The following ABCB4 variants were observed in gnomAD, a reference collection of about 807,000 sequenced individuals.
ABCB4 encodes the protein phosphatidylcholine translocator ABCB4.
In ABCB4, 76 loss-of-function variants were observed where a neutral mutation model predicts 145.7. The ratio of observed to expected loss-of-function variants is 0.52; its 90% CI spans 0.43 to 0.63. ABCB4 has a LOEUF of 0.63. Ranked by LOEUF, ABCB4 falls within the 30% of genes least tolerant of loss-of-function variation. The pLI, the probability that ABCB4 is intolerant of heterozygous loss-of-function variation, is 0.00. For synonymous variants in ABCB4, 517 were observed against 566.8 expected (o/e 0.91, Z 1.25); for missense variants, 1,234 against 1,553.1 (o/e 0.79, Z 3.45).
chr7:87,426,530 C>T (rs1442651768), intron 16 of ABCB4, among the ~76,000 whole-genome samples: 3 of 151,326 alleles, frequency 2.0e-5, no homozygotes, highest in African/African-American at 7.3e-5. Context: ...GTAAAGACTA[C>T]ATTTCTGGAT....
At chr7:87,369,611 T>A in the ABCB4 span, 17 of 344,254 alleles carry the variant, frequency 4.9e-5, no homozygotes, top group African/African-American at 2.6e-4. Context: ...CATGCTTTTT[T>A]AAAAAAAAAT....
At chr7:87,388,781 C>G in the ABCB4 span, among the ~76,000 whole-genome samples, 1 of 152,064 alleles carries the variant, frequency 6.6e-6, no homozygotes, top group African/African-American at 2.4e-5. Context: ...CAAATGGGAT[C>G]TAATTAAACT....
chr7:87,381,954 T>G, the ABCB4 span: 1 of 1,611,274 alleles, frequency 6.2e-7, no homozygotes, highest in East Asian at 2.2e-5. Context: ...TCAGTTATTA[T>G]GTGGATGAGA....
At position 87,431,448 on chromosome 7, in the gene ABCB4, G is replaced by C; in HGVS notation, c.1849C>G (p.Leu617Val). The change falls in exon 15 of 28, where the codon CTG becomes GTG. Residue 617 changes from leucine (L) to valine (V), a missense_variant. Leu to Val is a conservative substitution (Grantham distance 32). This residue lies in a region of ABCB4 where 321 missense variants were observed against 332.6 expected (regional missense o/e 0.97). Coordinates refer to ENST00000649586, the MANE Select transcript of ABCB4 (RefSeq NM_000443.4). The part of the protein sequence containing the change: ...VIVEQGSHSE[L>V]MKKEGVYFKL... ...AAGTACACCCCTTCCTTCTTCATCA[G>C]TTCGCTGTGGCTTCCTTGCTCCACA... The C allele has an allele frequency of 6.2e-7, 1 of 1,614,110 alleles. No individual in the cohort carries two copies. The highest frequency in any genetic ancestry group is 8.5e-7 in the Non-Finnish European group (1 of 1,179,990).
the ABCB4 span, chr7:87,376,084 CT>C: frequency 6.5e-6 from 5 of 774,224 alleles, no homozygotes; most frequent in South Asian, 1.2e-4. Context: ...ATACAATATA[CT>C]TGTGCCAAAT....
chr7:87,392,477 C>T, the ABCB4 span: 2 of 961,578 alleles, frequency 2.1e-6, no homozygotes, highest in Admixed American at 2.0e-5. Flanking sequence ...CCCAAATTAC[C>T]CCAATCCTAA....
At chr7:87,423,285 G>T (rs1378325132) in intron 17 of ABCB4, among the ~76,000 whole-genome samples, 1 of 152,108 alleles carries the variant, frequency 6.6e-6, no homozygotes, top group East Asian at 1.9e-4. Flanking sequence ...TTGAATGATT[G>T]GCTAGTATGT....
intron 4 of ABCB4, among the ~76,000 whole-genome samples, chr7:87,457,836 T>G (rs1053269719): frequency 1.3e-5 from 2 of 152,192 alleles, no homozygotes; most frequent in Non-Finnish European, 2.9e-5. Context: ...CATTTTCACT[T>G]TTGAGTCTCA....
At chr7:87,418,905 G>T (rs138932643) in intron 19 of ABCB4, among the ~76,000 whole-genome samples, 1 of 152,280 alleles carries the variant, frequency 6.6e-6, no homozygotes, top group East Asian at 1.9e-4. Context: ...GAGGCTGGTA[G>T]GCATTCCATT....
chr7:87,387,768 A>C, the ABCB4 span, among the ~76,000 whole-genome samples: 3 of 152,160 alleles, frequency 2.0e-5, no homozygotes, highest in East Asian at 5.8e-4. Context: ...CCTGGCCAAC[A>C]TGGTAAAACC....
At chr7:87,394,819 G>T in the ABCB4 span, among the ~76,000 whole-genome samples, 1 of 152,150 alleles carries the variant, frequency 6.6e-6, no homozygotes, top group South Asian at 2.1e-4. Flanking sequence ...TTTAATGCCA[G>T]CAAAGGATAG....
At position 87,472,654 on chromosome 7, in the gene ABCB4, CG is replaced by C; in HGVS notation, c.101del (p.Thr34ArgfsTer4). 1 of 1,608,768 alleles carries C rather than the reference CG, an allele frequency of 6.2e-7. No individual in the cohort carries two copies. Among genetic ancestry groups the C allele is most frequent in the African/African-American group, 1.3e-5 (1 of 74,904 alleles). ...GISSKQKRKK[T>X]KTVKMIGVLT... ...ATACTCCAATCATTTTCACTGTCTT[CG>C]TTTTTTTCCTTTTTTGTTTGCTGTA... On this transcript the variant is annotated frameshift_variant, in exon 3 of 28. Transcript: ENST00000649586. LOFTEE classifies it high-confidence loss of function.
chr7:87,442,506 T>C (rs1177303582), intron 12 of ABCB4, among the ~76,000 whole-genome samples: 1 of 152,194 alleles, frequency 6.6e-6, no homozygotes, highest in Non-Finnish European at 1.5e-5. Flanking sequence ...ATTCTGAATA[T>C]AGCTCGTGGA....
intron 14 of ABCB4, among the ~76,000 whole-genome samples, chr7:87,439,383 CAA>C (rs1213830536): frequency 6.6e-6 from 1 of 152,044 alleles, no homozygotes; most frequent in Non-Finnish European, 1.5e-5. Context: ...TACTTTTGGT[CAA>C]AAGTAGTCTT....
chr7:87,377,743 T>C, the ABCB4 span, among the ~76,000 whole-genome samples: 9 of 152,280 alleles, frequency 5.9e-5, no homozygotes, highest in East Asian at 1.7e-3. Flanking sequence ...AGAATACCTA[T>C]TTCAAAAGGT....
intron 19 of ABCB4, 148 bp from the exon 20 acceptor site, chr7:87,418,768 C>A (rs1809186591): frequency 4.1e-6 from 3 of 738,388 alleles, no homozygotes; most frequent in Non-Finnish European, 7.1e-6. Context: ...TGAGCACACA[C>A]CCCCAGAATC....
chr7:87,367,070 G>A, the ABCB4 span, among the ~76,000 whole-genome samples: 1 of 152,198 alleles, frequency 6.6e-6, no homozygotes, highest in Non-Finnish European at 1.5e-5. Context: ...GTCCCCCATA[G>A]ATGTCTACTT....
At chr7:87,427,281 C>T (rs1809903756) in intron 15 of ABCB4, among the ~76,000 whole-genome samples, 1 of 152,030 alleles carries the variant, frequency 6.6e-6, no homozygotes, top group South Asian at 2.1e-4. Flanking sequence ...GAAACACTAA[C>T]AAGGGCTTGT....
In ABCB4 at chr7:87,475,678, G is replaced by T; in HGVS notation, c.-51C>A. The T allele has an allele frequency of 1.7e-6, 1 of 599,008 alleles. No individual in the cohort carries two copies. The highest frequency in any genetic ancestry group is 3.0e-6 in the Non-Finnish European group (1 of 336,838). The allele number at this position is 599,008 out of a possible 1,614,324, so 37.1% of individuals were successfully genotyped here. On this transcript the variant is annotated 5_prime_UTR_variant, in exon 1 of 28. Transcript: ENST00000649586. Reference sequence around the variant, plus strand: ...TGGCAGGGCCTCTGGACGCGCGGGCGCTGCAGCAGAGGGGCCTGGACTTTG... The same window carrying T: ...TGGCAGGGCCTCTGGACGCGCGGGCTCTGCAGCAGAGGGGCCTGGACTTTG...
Sources: allele counts gnomAD v4.1 joint callset (sites outside exome capture counted in the v4.1 genomes callset), GRCh38; gene constraint gnomAD v4.1.1; regional missense constraint gnomAD v4.1.1; transcripts MANE v1.5; gene names NCBI Gene and HGNC (gene_info 2026-07-23, HGNC 2026-07-21).